The following COL25A1 variants were observed in gnomAD, a reference collection of about 807,000 sequenced individuals.
The protein encoded by COL25A1 is collagen alpha-1(XXV) chain.
COL25A1 carries 103 observed loss-of-function variants against 128.4 expected under a neutral mutation model. The ratio of observed to expected loss-of-function variants is 0.80; its 90% CI spans 0.68 to 0.94. COL25A1 has a LOEUF of 0.94. Ranked by LOEUF, COL25A1 falls within the 40% of genes least tolerant of loss-of-function variation. The pLI is 0.00. For missense variants in COL25A1, 745 were observed against 840.0 expected, an observed-to-expected ratio of 0.89 and a Z score of 1.40; for synonymous variants, 279 against 277.2, an observed-to-expected ratio of 1.01 and a Z score of -0.06.
intron 19 of COL25A1, among the ~76,000 whole-genome samples, chr4:108,881,830 T>A (rs983796054): frequency 3.3e-5 from 5 of 152,154 alleles, no homozygotes; most frequent in Admixed American, 3.3e-4. Context: ...ATCTCCCACA[T>A]CCTGATTAGA....
intron 3 of COL25A1, among the ~76,000 whole-genome samples, chr4:109,099,799 T>C (rs927069771): frequency 2.6e-5 from 4 of 151,816 alleles, no homozygotes; most frequent in Admixed American, 6.6e-5. Context: ...ATAGTTAATG[T>C]GAAAGAAAAA....
intron 3 of COL25A1, among the ~76,000 whole-genome samples, chr4:109,211,290 C>CTATATATATATA (rs753994624): frequency 4.9e-5 from 5 of 102,542 alleles, no homozygotes; most frequent in South Asian, 3.8e-4. Context: ...ATATATGAAA[C>CTATATATATATA]TATATATATA....
chr4:108,991,150 A>T (rs1278900754), intron 6 of COL25A1, among the ~76,000 whole-genome samples: 1 of 152,216 alleles, frequency 6.6e-6, no homozygotes, highest in African/African-American at 2.4e-5. Flanking sequence ...CAGATGCAAA[A>T]CATTGTTGGA....
chr4:108,887,711 T>C (rs927039224), intron 18 of COL25A1, among the ~76,000 whole-genome samples: 4 of 152,188 alleles, frequency 2.6e-5, no homozygotes, highest in Non-Finnish European at 5.9e-5. Flanking sequence ...TATTTATAAG[T>C]AATCATTATG....
At chr4:109,182,034 C>A (rs889839590) in intron 3 of COL25A1, among the ~76,000 whole-genome samples, 3 of 152,032 alleles carry the variant, frequency 2.0e-5, no homozygotes, top group Non-Finnish European at 4.4e-5. Context: ...GAATTTCCTC[C>A]TTTTTATAGG....
chr4:108,911,971 G>T (rs551160403), intron 13 of COL25A1, among the ~76,000 whole-genome samples: 1 of 152,048 alleles, frequency 6.6e-6, no homozygotes, highest in East Asian at 1.9e-4. Context: ...CCTAAATAAA[G>T]TCGGGAGAAA....
chr4:109,236,617 A>G (rs1254311734), intron 3 of COL25A1, among the ~76,000 whole-genome samples: 1 of 152,082 alleles, frequency 6.6e-6, no homozygotes, highest in East Asian at 1.9e-4. Flanking sequence ...TATATTTTAA[A>G]AAGTCATCCT....
At chr4:108,908,377 T>C (rs910036248) in intron 13 of COL25A1, among the ~76,000 whole-genome samples, 4 of 152,116 alleles carry the variant, frequency 2.6e-5, no homozygotes, top group African/African-American at 9.7e-5. Flanking sequence ...TCCTAGAACA[T>C]CCTAGGAAAT....
intron 3 of COL25A1, among the ~76,000 whole-genome samples, chr4:109,152,978 C>T (rs1190527172): frequency 6.6e-6 from 1 of 151,978 alleles, no homozygotes; most frequent in Non-Finnish European, 1.5e-5. Flanking sequence ...TGCATGACAA[C>T]CTGAATGTAC....
chr4:108,871,688 C>T (rs999783927), intron 19 of COL25A1, among the ~76,000 whole-genome samples: 2 of 152,058 alleles, frequency 1.3e-5, no homozygotes, highest in African/African-American at 2.4e-5. Flanking sequence ...AAGTATCTAC[C>T]GTATCTATAC....
chr4:109,251,990 G>A (rs1007800733), intron 3 of COL25A1, among the ~76,000 whole-genome samples: 1 of 152,212 alleles, frequency 6.6e-6, no homozygotes, highest in African/African-American at 2.4e-5. Flanking sequence ...GAATGTTGGG[G>A]AACGTTGCAA....
intron 19 of COL25A1, 71 bp from the exon 20 acceptor site, chr4:108,869,221 T>TAAAC: frequency 3.3e-6 from 1 of 302,568 alleles, no homozygotes; most frequent in South Asian, 1.2e-4. Context: ...AATAAATAAA[T>TAAAC]AAAAACTAAA....
intron 31 of COL25A1, chr4:108,832,701 A>C: frequency 3.4e-6 from 1 of 297,348 alleles, no homozygotes; most frequent in Non-Finnish European, 6.2e-6. Flanking sequence ...CCTCTGACTA[A>C]ATAAAGCATC....
chr4:109,020,969 A>T (rs1369787021), intron 5 of COL25A1, among the ~76,000 whole-genome samples: 1 of 152,214 alleles, frequency 6.6e-6, no homozygotes, highest in Non-Finnish European at 1.5e-5. Flanking sequence ...AGAGCATTCC[A>T]TAGAAGCTTT....
intron 3 of COL25A1, among the ~76,000 whole-genome samples, chr4:109,220,841 A>G (rs1002305743): frequency 2.6e-5 from 4 of 152,124 alleles, no homozygotes; most frequent in Non-Finnish European, 5.9e-5. Flanking sequence ...TTTCAACATC[A>G]CATTGCTTAT....
chr4:109,059,710 C>T (rs1761776745), intron 3 of COL25A1, among the ~76,000 whole-genome samples: 1 of 152,078 alleles, frequency 6.6e-6, no homozygotes, highest in East Asian at 1.9e-4. Context: ...TGCTCTTATA[C>T]CATGCACAGC....
chr4:109,281,418 A>G (rs1723380581), intron 3 of COL25A1, among the ~76,000 whole-genome samples: 1 of 152,116 alleles, frequency 6.6e-6, no homozygotes, highest in Non-Finnish European at 1.5e-5. Flanking sequence ...GCAAAAAAAA[A>G]AAAAAAAAAT....
At chr4:108,916,023 T>C (rs1744836598) in intron 13 of COL25A1, among the ~76,000 whole-genome samples, 1 of 152,168 alleles carries the variant, frequency 6.6e-6, no homozygotes, top group South Asian at 2.1e-4. Flanking sequence ...TATTGCCAAC[T>C]TTGTTTTTAC....
chr4:109,257,884 T>C (rs1235469231), intron 3 of COL25A1, among the ~76,000 whole-genome samples: 1 of 152,134 alleles, frequency 6.6e-6, no homozygotes, highest in Non-Finnish European at 1.5e-5. Context: ...AATTTAACAA[T>C]GGTCACCAAC....
Sources: allele counts gnomAD v4.1 joint callset (sites outside exome capture counted in the v4.1 genomes callset), GRCh38; gene constraint gnomAD v4.1.1; transcripts MANE v1.5; gene names NCBI Gene and HGNC (gene_info 2026-07-23, HGNC 2026-07-21).